The following HDAC4 variants were observed in gnomAD, a reference collection of about 807,000 sequenced individuals.
HDAC4 encodes the protein histone deacetylase 4.
HDAC4 carries 16 observed loss-of-function variants against 135.1 expected under a neutral mutation model. The ratio of observed to expected loss-of-function variants is 0.12; its 90% CI spans 0.08 to 0.18. The LOEUF is 0.18. Ranked by LOEUF, HDAC4 falls within the 10% of genes least tolerant of loss-of-function variation. The probability of loss-of-function intolerance (pLI) is 1.00; values close to 1 mark genes in which losing one functional copy is unlikely to be tolerated. For synonymous variants in HDAC4, 685 were observed against 653.4 expected, an observed-to-expected ratio of 1.05 and a Z score of -0.74; for missense variants, 1,143 against 1,511.8, an observed-to-expected ratio of 0.76 and a Z score of 4.05.
In HDAC4 at chr2:239,144,022, G is replaced by A. The variant is rs2041588686; in HGVS notation, c.865+561C>T. Among the ~76,000 whole-genome samples the A allele has an allele frequency of 5.9e-5, 9 of 152,066 alleles. No homozygotes were observed. In the South Asian group the frequency reaches 1.9e-3, roughly 32 times the overall value. ...TCAAGAGGGGCGGGTGAGCCTTCAGGATGGGGGTCTGCTCGGTCTTGTCCT... is the reference window on the plus strand; with the variant it reads ...TCAAGAGGGGCGGGTGAGCCTTCAGAATGGGGGTCTGCTCGGTCTTGTCCT... On this transcript the variant is annotated intron_variant, in intron 8 of 26. Transcript: ENST00000543185.
chr2:239,294,229 C>T lies in HDAC4; in HGVS notation c.23-57565G>A, dbSNP rs565822249. Among the ~76,000 whole-genome samples the T allele has an allele frequency of 5.3e-5, 8 of 152,228 alleles. No homozygotes were observed. The East Asian group carries it at 9.7e-4, about 19-fold the overall frequency. On this transcript the variant is annotated intron_variant, in intron 2 of 26. Transcript: ENST00000543185. ...AACTCCCAGTGACTCAGACAAGGAC[C>T]GCAATCACCAGGCAGGGGCAGCCCC...
At chr2:239,238,062 T>C (rs1207970932) in intron 2 of HDAC4, among the ~76,000 whole-genome samples, 8 of 152,064 alleles carry the variant, frequency 5.3e-5, no homozygotes, top group Admixed American at 4.6e-4. Flanking sequence ...TTCCAGGGCT[T>C]TCTCAAAGAA....
chr2:239,190,573 C>A (rs1246380984), intron 3 of HDAC4, among the ~76,000 whole-genome samples: 1 of 152,210 alleles, frequency 6.6e-6, no homozygotes, highest in Non-Finnish European at 1.5e-5. Flanking sequence ...GCCACAAGAG[C>A]GTGTGCCCCA....
rs1445415818 is a variant in HDAC4, at chr2:239,050,155, G to A, written c.*2942C>T. The A allele has an allele frequency of 1.4e-4, 21 of 152,636 alleles. No homozygotes were observed. 9.5% of individuals were successfully genotyped at this position (152,636 alleles called of 1,614,324 possible). On this transcript the variant is annotated 3_prime_UTR_variant, in exon 27 of 27. Coordinates refer to ENST00000543185, the MANE Select transcript of HDAC4 (RefSeq NM_001378414.1). ...ACACAGTAATGCTCTCAGCACATTTGTGAAGCTGGAGTGAGCTGACAGATG... is the reference window on the plus strand; with the variant it reads ...ACACAGTAATGCTCTCAGCACATTTATGAAGCTGGAGTGAGCTGACAGATG...
intron 2 of HDAC4, among the ~76,000 whole-genome samples, chr2:239,295,627 T>G (rs144923183): frequency 6.6e-6 from 1 of 152,348 alleles, no homozygotes; most frequent in Non-Finnish European, 1.5e-5. Context: ...ATTCTCACTT[T>G]GTAATTTGCT....
chr2:239,287,990 A>G (rs570330069), intron 2 of HDAC4, among the ~76,000 whole-genome samples: 67 of 152,282 alleles, frequency 4.4e-4, no homozygotes, highest in African/African-American at 1.6e-3. Flanking sequence ...TATGAACCCC[A>G]AATAGTCTGA....
rs991522152 is a variant in HDAC4, at chr2:239,224,263, C to T, written c.94+12330G>A. Among the ~76,000 whole-genome samples, 4 of 152,336 alleles carry T rather than the reference C, an allele frequency of 2.6e-5. No homozygotes were observed. In the South Asian group the frequency reaches 8.3e-4, roughly 32 times the overall value. Reference sequence around the variant, plus strand: ...ACCATTTTCTACATTCCCACTCCACCTACCCGGACTGAGCCCCATCCACTG... The same window carrying T: ...ACCATTTTCTACATTCCCACTCCACTTACCCGGACTGAGCCCCATCCACTG... On this transcript the variant is annotated intron_variant, in intron 3 of 26. Coordinates refer to ENST00000543185, the MANE Select transcript of HDAC4 (RefSeq NM_001378414.1).
intron 3 of HDAC4, among the ~76,000 whole-genome samples, chr2:239,215,201 T>G (rs1024606528): frequency 4.0e-5 from 6 of 151,710 alleles, no homozygotes; most frequent in African/African-American, 1.5e-4. Flanking sequence ...GCTGGAGAGA[T>G]AAGAAAAACC....
intron 3 of HDAC4, among the ~76,000 whole-genome samples, chr2:239,203,368 G>A (rs997280049): frequency 3.3e-5 from 5 of 152,194 alleles, no homozygotes; most frequent in South Asian, 2.1e-4. Flanking sequence ...ATAAAAATAC[G>A]TTTGACCGTG....
chr2:239,322,817 G>A (rs912463652), intron 2 of HDAC4, among the ~76,000 whole-genome samples: 5 of 152,138 alleles, frequency 3.3e-5, no homozygotes, highest in African/African-American at 9.7e-5. Flanking sequence ...TCCTGGCTTC[G>A]ATAAGCGACG....
chr2:239,353,030 A>G (rs1162019386), intron 1 of HDAC4, 112 bp from the exon 2 acceptor site: 1 of 352,816 alleles, frequency 2.8e-6, no homozygotes, highest in African/African-American at 2.1e-5. Context: ...TGGAGACAGA[A>G]TCTTGCTCTA....
At chr2:239,390,095 G>A (rs1490130563) in intron 1 of HDAC4, among the ~76,000 whole-genome samples, 1 of 152,208 alleles carries the variant, frequency 6.6e-6, no homozygotes, top group Non-Finnish European at 1.5e-5. Context: ...TGACACTGTG[G>A]AGGAGCTGGA....
rs550627713 is a variant in HDAC4 at position 239,070,726 on chromosome 2, C to T, written c.2751-2119G>A. The stretch of plus-strand genomic sequence containing the variant: ...TGCAAGGGGCCTGTGCAGGTGAGGA[C>T]GGTGGAACAGAAGTGGAGCCTTTAA... On this transcript the variant is annotated intron_variant, in intron 22 of 26. Transcript: ENST00000543185. Among the ~76,000 whole-genome samples the T allele has an allele frequency of 4.3e-3, 649 of 152,198 alleles. 4 individuals carry two copies. The highest frequency in any genetic ancestry group is 0.014 in the African/African-American group (565 of 41,530).
chr2:239,183,242 T>G (rs1163344999), intron 4 of HDAC4, among the ~76,000 whole-genome samples: 1 of 152,250 alleles, frequency 6.6e-6, no homozygotes, highest in Non-Finnish European at 1.5e-5. Flanking sequence ...AGAATTTAGC[T>G]GCTTTGACTC....
chr2:239,340,829 A>G (rs1329018242), intron 2 of HDAC4, among the ~76,000 whole-genome samples: 2 of 152,122 alleles, frequency 1.3e-5, no homozygotes, highest in African/African-American at 2.4e-5. Flanking sequence ...TGATGCTGCA[A>G]GACCAAGGAT....
chr2:239,152,873 C>A (rs1479534360), intron 7 of HDAC4, among the ~76,000 whole-genome samples: 1 of 152,340 alleles, frequency 6.6e-6, no homozygotes, highest in East Asian at 1.9e-4. Flanking sequence ...GCAGAAAACA[C>A]CTCGATCTGG....
At chr2:239,359,536 G>T (rs956891149) in intron 1 of HDAC4, among the ~76,000 whole-genome samples, 1 of 152,248 alleles carries the variant, frequency 6.6e-6, no homozygotes, top group Non-Finnish European at 1.5e-5. Flanking sequence ...GATAGGCCGA[G>T]ATGACAGAAG....
chr2:239,382,522 C>G (rs1366124142), intron 1 of HDAC4, among the ~76,000 whole-genome samples: 1 of 152,220 alleles, frequency 6.6e-6, no homozygotes, highest in Admixed American at 6.5e-5. Context: ...GGTAGGACCA[C>G]CCAGAGTGAC....
intron 2 of HDAC4, among the ~76,000 whole-genome samples, chr2:239,290,632 C>A (rs1227714641): frequency 6.6e-6 from 1 of 152,158 alleles, no homozygotes; most frequent in Non-Finnish European, 1.5e-5. Context: ...CACGTACACA[C>A]ATGTACGCAC....
Sources: gnomAD v4.1 joint callset for allele counts (sites outside exome capture counted in the v4.1 genomes callset) on GRCh38, gnomAD v4.1.1 for gene constraint, MANE v1.5 for transcripts, NCBI Gene and HGNC (gene_info 2026-07-23, HGNC 2026-07-21) for gene names.